BLTP2: variants seen among roughly 807,000 people sequenced by gnomAD.
BLTP2 encodes the protein bridge-like lipid transfer protein family member 2, also known as U937-associated antigen.
the BLTP2 span, among the ~76,000 whole-genome samples, chr17:28,627,203 T>G: frequency 2.0e-4 from 30 of 152,132 alleles, no homozygotes; most frequent in African/African-American, 7.0e-4. Flanking sequence ...TGAGTTTGGG[T>G]TTTTCCACTC....
the BLTP2 span, chr17:28,634,366 C>G: frequency 1.3e-6 from 1 of 799,746 alleles, no homozygotes; most frequent in Admixed American, 2.6e-5. Context: ...AATTCAGGAA[C>G]AAAGAAAGGG....
At chr17:28,615,355 T>G in the BLTP2 span, 3 of 961,088 alleles carry the variant, frequency 3.1e-6, no homozygotes, top group South Asian at 3.4e-5. Flanking sequence ...CAAGGCACAA[T>G]GGGGCAATTC....
chr17:28,616,539 T>C, the BLTP2 span: 3 of 1,614,172 alleles, frequency 1.9e-6, no homozygotes, highest in Admixed American at 5.0e-5. The surrounding 1 kb of genome is among the most constrained non-coding windows in gnomAD (Gnocchi z 4.8). Context: ...CCAGCTGTCA[T>C]CCATCCTCGT....
the BLTP2 span, chr17:28,623,616 A>C: frequency 1.5e-6 from 1 of 670,102 alleles, no homozygotes; most frequent in Non-Finnish European, 2.6e-6. Flanking sequence ...CTTCCAGACC[A>C]GAGATTGCCC....
At chr17:28,641,984 A>C in the BLTP2 span, 2 of 1,614,240 alleles carry the variant, frequency 1.2e-6, no homozygotes, top group Non-Finnish European at 1.7e-6. Flanking sequence ...GAGTGTCCAC[A>C]CATCCACAGT....
chr17:28,629,564 A>G, the BLTP2 span, among the ~76,000 whole-genome samples: 4 of 151,990 alleles, frequency 2.6e-5, no homozygotes, highest in Non-Finnish European at 5.9e-5. Context: ...TGCAACCTCC[A>G]CTTCCCGGGT....
chr17:28,639,469 A>C, the BLTP2 span: 33 of 1,612,160 alleles, frequency 2.0e-5, no homozygotes, highest in Non-Finnish European at 5.9e-6. Flanking sequence ...ACCTGAAATA[A>C]GAAGACCAGA....
At chr17:28,630,463 C>T in the BLTP2 span, among the ~76,000 whole-genome samples, 1 of 142,348 alleles carries the variant, frequency 7.0e-6, no homozygotes, top group African/African-American at 2.6e-5. Context: ...CCAGCCCCCA[C>T]TGTTTTTTTT....
At chr17:28,614,531 T>C in the BLTP2 span, 1 of 186,706 alleles carries the variant, frequency 5.4e-6, no homozygotes, top group African/African-American at 2.3e-5. Context: ...AGGGGACCCA[T>C]GGCCAGCCCT....
the BLTP2 span, chr17:28,631,494 A>G: frequency 6.2e-7 from 1 of 1,614,076 alleles, no homozygotes. Context: ...CAGCTGTGCG[A>G]TTGCTATGCC....
the BLTP2 span, among the ~76,000 whole-genome samples, chr17:28,625,353 A>AAAAAAAG: frequency 6.7e-5 from 10 of 149,018 alleles, no homozygotes; most frequent in African/African-American, 2.0e-4. Flanking sequence ...AAAAAAAAAA[A>AAAAAAAG]AAAAAGAAAA....
At chr17:28,630,054 C>T in the BLTP2 span, among the ~76,000 whole-genome samples, 3 of 151,432 alleles carry the variant, frequency 2.0e-5, no homozygotes, top group African/African-American at 7.3e-5. Context: ...TGTAGAAACA[C>T]GGTTTCACCA....
the BLTP2 span, chr17:28,643,947 G>A: frequency 7.5e-7 from 1 of 1,333,136 alleles, no homozygotes; most frequent in Non-Finnish European, 1.0e-6. Context: ...TGGCAAGGCT[G>A]GGATTAACTA....
chr17:28,644,325 ACT>A, the BLTP2 span: 1 of 909,938 alleles, frequency 1.1e-6, no homozygotes, highest in East Asian at 2.5e-5. Flanking sequence ...CCAAAGCACC[ACT>A]CTGTCATATA....
chr17:28,635,789 C>G, the BLTP2 span: 8 of 590,884 alleles, frequency 1.4e-5, no homozygotes, highest in Admixed American at 1.7e-4. Flanking sequence ...GCTGAGCTGA[C>G]AGTTGATAGT....
chr17:28,640,238 A>G, the BLTP2 span, among the ~76,000 whole-genome samples: 1 of 151,990 alleles, frequency 6.6e-6, no homozygotes, highest in Admixed American at 6.6e-5. Flanking sequence ...ACTAAAATAC[A>G]AAAAATTAGC....
At chr17:28,628,621 G>T in the BLTP2 span, 1 of 1,417,472 alleles carries the variant, frequency 7.1e-7, no homozygotes, top group Non-Finnish European at 9.8e-7. Context: ...CACAGAGGCA[G>T]TGATAAAAGT....
chr17:28,643,589 G>C, the BLTP2 span: 1 of 1,608,524 alleles, frequency 6.2e-7, no homozygotes, highest in South Asian at 1.1e-5. Context: ...TAGGGGAGAA[G>C]TGAGAATATA....
the BLTP2 span, among the ~76,000 whole-genome samples, chr17:28,617,591 A>C: frequency 6.6e-6 from 1 of 152,238 alleles, no homozygotes; most frequent in Admixed American, 6.5e-5. Context: ...GGAGAAAGTA[A>C]TAAATAATAC....
Sources: allele counts gnomAD v4.1 joint callset (sites outside exome capture counted in the v4.1 genomes callset), GRCh38; gene constraint gnomAD v4.1.1; non-coding constraint Gnocchi (gnomAD v3.1); transcripts MANE v1.5; gene names NCBI Gene and HGNC (gene_info 2026-07-23, HGNC 2026-07-21).